The following TECRL variants were observed in gnomAD, a reference collection of about 807,000 sequenced individuals.
TECRL encodes trans-2,3-enoyl-CoA reductase-like.
In TECRL, 63 loss-of-function variants were observed where a neutral mutation model predicts 52.8. That is an observed-to-expected ratio of 1.19 (90% CI 0.97 to 1.47). TECRL has a LOEUF of 1.47. Ranked by LOEUF, TECRL falls within the 40% of genes most tolerant of loss-of-function variation. The pLI is 0.00. For synonymous variants in TECRL, 164 were observed against 141.9 expected (o/e 1.16, Z -1.10); for missense variants, 482 against 429.6 (o/e 1.12, Z -1.08).
chr4:64,377,989 A>G (rs1320319816), intron 1 of TECRL, among the ~76,000 whole-genome samples: 1 of 152,104 alleles, frequency 6.6e-6, no homozygotes, highest in African/African-American at 2.4e-5. Flanking sequence ...TTGTAGTATA[A>G]AAACCTAAAT....
chr4:64,286,307 G>A (rs977556802), intron 9 of TECRL, among the ~76,000 whole-genome samples: 1 of 151,884 alleles, frequency 6.6e-6, no homozygotes, highest in Non-Finnish European at 1.5e-5. Flanking sequence ...AACTTTCCCA[G>A]TAATATGAAA....
intron 6 of TECRL, among the ~76,000 whole-genome samples, chr4:64,309,454 T>C (rs1302954149): frequency 3.3e-5 from 5 of 152,164 alleles, no homozygotes; most frequent in African/African-American, 7.2e-5. Context: ...GCCATAATAA[T>C]GGAATATAGT....
chr4:64,287,012 T>C (rs1723114013), intron 9 of TECRL, among the ~76,000 whole-genome samples: 1 of 152,116 alleles, frequency 6.6e-6, no homozygotes, highest in African/African-American at 2.4e-5. Flanking sequence ...CACTTGTGAT[T>C]CACATGCATC....
At chr4:64,402,722 G>T (rs571602146) in intron 1 of TECRL, among the ~76,000 whole-genome samples, 1 of 152,058 alleles carries the variant, frequency 6.6e-6, no homozygotes, top group Non-Finnish European at 1.5e-5. Context: ...ATAGAGAAGA[G>T]CTAGAAAGTA....
intron 8 of TECRL, among the ~76,000 whole-genome samples, chr4:64,293,967 C>CATAT (rs199561757): frequency 6.8e-6 from 1 of 146,940 alleles, no homozygotes; most frequent in Non-Finnish European, 1.5e-5. Flanking sequence ...GCAGGTGCTA[C>CATAT]ATATATATAT....
chr4:64,338,712 G>C (rs896289048), intron 2 of TECRL, among the ~76,000 whole-genome samples: 9 of 152,164 alleles, frequency 5.9e-5, no homozygotes, highest in Admixed American at 5.2e-4. Context: ...TCAGAGAAAT[G>C]CAAATCAAAA....
chr4:64,308,307 A>G (rs563885856), intron 6 of TECRL, among the ~76,000 whole-genome samples: 6 of 152,274 alleles, frequency 3.9e-5, no homozygotes, highest in Admixed American at 6.5e-5. Flanking sequence ...GCAGGTACAG[A>G]CAAGAACTGA....
intron 7 of TECRL, among the ~76,000 whole-genome samples, chr4:64,304,544 T>C (rs1000394705): frequency 1.1e-4 from 16 of 152,206 alleles, no homozygotes; most frequent in Middle Eastern, 3.4e-3. Context: ...CATTTAATTG[T>C]TGAGCTTTAC....
intron 8 of TECRL, among the ~76,000 whole-genome samples, chr4:64,293,980 AAAAT>A (rs935143508): frequency 7.1e-6 from 1 of 140,138 alleles, no homozygotes; most frequent in African/African-American, 2.7e-5. Context: ...ATATATATAT[AAAAT>A]ATATATATAT....
intron 1 of TECRL, among the ~76,000 whole-genome samples, chr4:64,394,202 T>C (rs1426923533): frequency 6.6e-6 from 1 of 152,182 alleles, no homozygotes; most frequent in Non-Finnish European, 1.5e-5. Flanking sequence ...CTATGTATAG[T>C]GACTGTAAAA....
chr4:64,386,895 G>A (rs1723209469), intron 1 of TECRL, among the ~76,000 whole-genome samples: 1 of 152,154 alleles, frequency 6.6e-6, no homozygotes, highest in African/African-American at 2.4e-5. Context: ...TCACCAGTAT[G>A]GTACATTTTT....
Position 64,321,760 on chromosome 4 carries a change from A to G in TECRL, c.435+929T>C, listed in dbSNP as rs554894387. 1.4e-4 allele frequency among the ~76,000 whole-genome samples: 22 copies of G among 152,262 alleles called. 1 individual carries two copies. The South Asian group carries it at 2.3e-3, about 16-fold the overall frequency. On this transcript the variant is annotated intron_variant, in intron 4 of 11. Transcript: ENST00000381210. The stretch of plus-strand genomic sequence containing the variant: ...TCATCTAATGCCATTTTCAAATACC[A>G]TGATTTTAACACCTGCTATTTTCCT...
chr4:64,379,723 A>G (rs1008007978), intron 1 of TECRL, among the ~76,000 whole-genome samples: 1 of 152,058 alleles, frequency 6.6e-6, no homozygotes, highest in African/African-American at 2.4e-5. Context: ...TTAAACCCCC[A>G]CACATGAATG....
At chr4:64,392,314 A>G (rs944155135) in intron 1 of TECRL, among the ~76,000 whole-genome samples, 2 of 151,864 alleles carry the variant, frequency 1.3e-5, no homozygotes, top group African/African-American at 4.8e-5. Context: ...TAAAAACCAT[A>G]ATAAAAATAG....
chr4:64,339,391 T>C (rs760882060), intron 2 of TECRL, among the ~76,000 whole-genome samples: 4 of 151,858 alleles, frequency 2.6e-5, no homozygotes, highest in Non-Finnish European at 4.4e-5. Context: ...TGTATACATA[T>C]GTAAGAAACC....
chr4:64,328,213 G>T (rs1233811157), intron 3 of TECRL, among the ~76,000 whole-genome samples: 2 of 151,830 alleles, frequency 1.3e-5, no homozygotes, highest in Non-Finnish European at 2.9e-5. Context: ...ATATATTATG[G>T]AGCAGTAGAA....
chr4:64,365,863 A>G (rs1220894107), intron 2 of TECRL, among the ~76,000 whole-genome samples: 2 of 152,120 alleles, frequency 1.3e-5, no homozygotes, highest in African/African-American at 4.8e-5. Flanking sequence ...ATGTTTTCAC[A>G]GAATTAGAAT....
rs6817560 is a variant in TECRL, at chr4:64,278,942, A to G, written c.*1130T>C. 0.97 allele frequency: 147,306 copies of G among 152,228 alleles called. 71,296 individuals are homozygous for G. Among genetic ancestry groups the G allele is most frequent in the East Asian group, 1 (5,170 of 5,170 alleles). 9.4% of individuals were successfully genotyped at this position (152,228 alleles called of 1,614,324 possible). A position where few individuals can be genotyped will look rare whatever the true frequency, so the allele number is the denominator to read the frequency against. Reference sequence around the variant, plus strand: ...ATGTTGTCCTGAATGACAGGAATTCAGTTTTTATGGCTGCATAGTATTCTA... The same window carrying G: ...ATGTTGTCCTGAATGACAGGAATTCGGTTTTTATGGCTGCATAGTATTCTA... On this transcript the variant is annotated 3_prime_UTR_variant, in exon 12 of 12. Coordinates refer to ENST00000381210, the MANE Select transcript of TECRL (RefSeq NM_001010874.5).
intron 1 of TECRL, among the ~76,000 whole-genome samples, chr4:64,391,561 A>T (rs1037487456): frequency 2.6e-5 from 4 of 151,878 alleles, no homozygotes; most frequent in Non-Finnish European, 4.4e-5. Flanking sequence ...AATTCAACTT[A>T]ATTATCTAAG....
Sources: gnomAD v4.1 joint callset for allele counts (sites outside exome capture counted in the v4.1 genomes callset) on GRCh38, gnomAD v4.1.1 for gene constraint, MANE v1.5 for transcripts, NCBI Gene and HGNC (gene_info 2026-07-23, HGNC 2026-07-21) for gene names.